Variants in ARNT2 observed in about 807,000 individuals in gnomAD.
The protein encoded by ARNT2 is aryl hydrocarbon receptor nuclear translocator 2, also known as ARNT protein 2.
ARNT2 carries 36 observed loss-of-function variants against 91.7 expected under a neutral mutation model. The observed-to-expected ratio is 0.39, with a 90% CI of 0.30 to 0.52. The LOEUF (loss-of-function observed/expected upper bound fraction) is 0.52, where lower values mean the gene tolerates loss of function less well. ARNT2 is among the 20% of genes least tolerant of loss of function. The pLI is 0.72. For synonymous variants in ARNT2, 365 were observed against 347.1 expected, an observed-to-expected ratio of 1.05 and a Z score of -0.57; for missense variants, 775 against 939.3, an observed-to-expected ratio of 0.83 and a Z score of 2.29.
At chr15:80,475,935 A>C (rs886504696) in intron 5 of ARNT2, among the ~76,000 whole-genome samples, 1 of 152,254 alleles carries the variant, frequency 6.6e-6, no homozygotes, top group Non-Finnish European at 1.5e-5. Flanking sequence ...TGTTTCTAAA[A>C]ATCACTGCAG....
chr15:80,491,630 A>T (rs557747473), intron 5 of ARNT2, among the ~76,000 whole-genome samples: 1 of 152,082 alleles, frequency 6.6e-6, no homozygotes, highest in Admixed American at 6.5e-5. Flanking sequence ...GCATGTTAAC[A>T]TGATCCAATT....
intron 8 of ARNT2, among the ~76,000 whole-genome samples, chr15:80,540,314 CATGATTGCG>C (rs1172637260): frequency 1.3e-5 from 2 of 152,184 alleles, no homozygotes; most frequent in Admixed American, 6.5e-5. Flanking sequence ...TTCACTAACA[CATGATTGCG>C]TTTTTTTGTA....
chr15:80,437,800 T>G (rs182482651), intron 1 of ARNT2, among the ~76,000 whole-genome samples: 3 of 152,324 alleles, frequency 2.0e-5, no homozygotes, highest in Non-Finnish European at 2.9e-5. Flanking sequence ...TTCCTGATCA[T>G]AAGAGTATTA....
intron 5 of ARNT2, 198 bp downstream of exon 5, chr15:80,475,421 G>A (rs376931634): frequency 9.6e-5 from 47 of 489,052 alleles, no homozygotes; most frequent in African/African-American, 4.9e-4. Flanking sequence ...TTTGCCAGGC[G>A]TGGTGGTGGG....
intron 5 of ARNT2, among the ~76,000 whole-genome samples, chr15:80,504,723 C>T (rs1897248598): frequency 6.6e-6 from 1 of 151,744 alleles, no homozygotes; most frequent in African/African-American, 2.4e-5. Flanking sequence ...AGCTAAGACT[C>T]CACCACTGCA....
chr15:80,469,175 TG>T (rs1453475811), intron 3 of ARNT2, among the ~76,000 whole-genome samples: 1 of 152,198 alleles, frequency 6.6e-6, no homozygotes, highest in Non-Finnish European at 1.5e-5. Flanking sequence ...CTGAGTTGGC[TG>T]TGACTCCTTC....
intron 5 of ARNT2, among the ~76,000 whole-genome samples, chr15:80,480,770 C>T (rs1408114270): frequency 6.6e-6 from 1 of 152,078 alleles, no homozygotes; most frequent in Non-Finnish European, 1.5e-5. Context: ...TTCCTGCCTG[C>T]CTGCCTGCCT....
At chr15:80,511,279 A>G (rs536468794) in intron 6 of ARNT2, among the ~76,000 whole-genome samples, 1 of 152,320 alleles carries the variant, frequency 6.6e-6, no homozygotes, top group South Asian at 2.1e-4. Context: ...CACAGGAATG[A>G]AAAACCAAAT....
chr15:80,433,136 A>G (rs1204066436), intron 1 of ARNT2, among the ~76,000 whole-genome samples: 1 of 151,950 alleles, frequency 6.6e-6, no homozygotes, highest in Non-Finnish European at 1.5e-5. Context: ...GGGATTTTAG[A>G]TCTGTGGAAG....
intron 5 of ARNT2, among the ~76,000 whole-genome samples, chr15:80,494,167 A>G (rs2093974632): frequency 6.6e-6 from 1 of 152,212 alleles, no homozygotes; most frequent in South Asian, 2.1e-4. Context: ...TGAGCTGCTC[A>G]TACTCATTTC....
intron 5 of ARNT2, among the ~76,000 whole-genome samples, chr15:80,492,316 G>A (rs1001336158): frequency 1.3e-5 from 2 of 152,154 alleles, no homozygotes; most frequent in Non-Finnish European, 2.9e-5. Flanking sequence ...GGGATTATGG[G>A]CATGAGCCAC....
chr15:80,428,138 C>T (rs1402244303), intron 1 of ARNT2, among the ~76,000 whole-genome samples: 4 of 152,212 alleles, frequency 2.6e-5, no homozygotes, highest in Admixed American at 2.0e-4. Context: ...TGGAAGACTC[C>T]GTGTGGGCCA....
chr15:80,426,384 T>G (rs1279450711), intron 1 of ARNT2, among the ~76,000 whole-genome samples: 2 of 152,190 alleles, frequency 1.3e-5, no homozygotes, highest in African/African-American at 2.4e-5. Context: ...ATTTCTTGTT[T>G]TGAGCACAGC....
At chr15:80,429,391 T>G (rs534994726) in intron 1 of ARNT2, among the ~76,000 whole-genome samples, 2 of 152,184 alleles carry the variant, frequency 1.3e-5, no homozygotes, top group Non-Finnish European at 2.9e-5. Context: ...CCCCTAAATG[T>G]TGGGATTTAG....
intron 8 of ARNT2, among the ~76,000 whole-genome samples, chr15:80,532,945 GGAA>G (rs1400388485): frequency 6.6e-6 from 1 of 152,220 alleles, no homozygotes; most frequent in Non-Finnish European, 1.5e-5. Flanking sequence ...GGGAGAAGCA[GGAA>G]GAAGAGGAGA....
intron 5 of ARNT2, among the ~76,000 whole-genome samples, chr15:80,488,904 C>G (rs953628664): frequency 6.6e-6 from 1 of 152,140 alleles, no homozygotes; most frequent in Non-Finnish European, 1.5e-5. Flanking sequence ...AATGAAGTAT[C>G]TTTTATCCTA....
chr15:80,523,634 A>G (rs1231039986), intron 8 of ARNT2, among the ~76,000 whole-genome samples: 1 of 152,168 alleles, frequency 6.6e-6, no homozygotes, highest in Non-Finnish European at 1.5e-5. Context: ...TTACCACTTT[A>G]TTTGAGCTCC....
At chr15:80,564,008 G>A (rs777401680) in intron 12 of ARNT2, among the ~76,000 whole-genome samples, 4 of 152,130 alleles carry the variant, frequency 2.6e-5, no homozygotes, top group Admixed American at 1.3e-4. Flanking sequence ...GAAATACAAG[G>A]CCAAGGAACC....
chr15:80,444,992 G>T (rs192564221), intron 1 of ARNT2: 6,620 of 151,460 alleles, frequency 0.044, 170 homozygotes, highest in South Asian at 0.094. Flanking sequence ...GTGTGTGTGT[G>T]AATAGTGTGC....
Sources: allele counts gnomAD v4.1 joint callset (sites outside exome capture counted in the v4.1 genomes callset), GRCh38; gene constraint gnomAD v4.1.1; transcripts MANE v1.5; gene names NCBI Gene and HGNC (gene_info 2026-07-23, HGNC 2026-07-21).